Variants in TGFB1 observed in about 807,000 individuals in gnomAD.
TGFB1 encodes the protein transforming growth factor beta-1 proprotein.
TGFB1 carries 19 observed loss-of-function variants against 43.8 expected under a neutral mutation model. The observed-to-expected ratio is 0.43, with a 90% CI of 0.30 to 0.64. The LOEUF (loss-of-function observed/expected upper bound fraction) is 0.64. Ranked by LOEUF, TGFB1 falls within the 30% of genes least tolerant of loss-of-function variation. TGFB1 has a pLI of 0.11. For synonymous variants in TGFB1, 221 were observed against 236.3 expected, an observed-to-expected ratio of 0.94 and a Z score of 0.60; for missense variants, 445 against 529.8, an observed-to-expected ratio of 0.84 and a Z score of 1.57.
Position 41,353,007 on chromosome 19 carries a change from A to T in TGFB1, c.38T>A (p.Leu13Gln). Reference sequence around the variant, plus strand: ...CAGCACCAGTAGCCACAGCAGCGGTAGCAGCAGCGGCAGCAGCCGCAGCCC... The same window carrying T: ...CAGCACCAGTAGCCACAGCAGCGGTTGCAGCAGCGGCAGCAGCCGCAGCCC... Reference protein sequence around the residue: ...PSGLRLLPLLLPLLWLLVLTP... With the variant: ...PSGLRLLPLLQPLLWLLVLTP... Residue 13 changes from leucine (L) to glutamine (Q), a missense_variant, in exon 1 of 7, where the codon CTA (leucine) becomes CAA (glutamine). By Grantham distance (113) the Leu-to-Gln change is moderately radical. Transcript: ENST00000221930. This position sits in a 1 kb window ranked among gnomAD's most constrained non-coding sequence, Gnocchi z 5.9. 4 of 1,533,918 alleles carry T rather than the reference A, an allele frequency of 2.6e-6. No homozygotes were observed. Among genetic ancestry groups the T allele is most frequent in the Non-Finnish European group, 3.5e-6 (4 of 1,144,288 alleles).
At chr19:41,343,943 C>CTGGACGATCATCTCCTGGA (rs1555754145) in intron 3 of TGFB1, among the ~76,000 whole-genome samples, 1 of 151,254 alleles carries the variant, frequency 6.6e-6, no homozygotes, top group Non-Finnish European at 1.5e-5. Context: ...TCCCTGGCCT[C>CTGGACGATCATCTCCTGGA]CAGGCCTTTG....
chr19:41,350,480 G>T (rs2038175006), intron 1 of TGFB1, among the ~76,000 whole-genome samples: 1 of 151,816 alleles, frequency 6.6e-6, no homozygotes, highest in Non-Finnish European at 1.5e-5. Context: ...GCTAATTTTT[G>T]TATTTTTAGT....
intron 1 of TGFB1, among the ~76,000 whole-genome samples, chr19:41,352,340 A>C (rs1160855582): frequency 6.1e-3 from 450 of 73,312 alleles, no homozygotes; most frequent in Middle Eastern, 0.016. Flanking sequence ...CTGGCACCCC[A>C]CGACCCCCCC....
In TGFB1 at chr19:41,344,763, C is replaced by G; in HGVS notation, c.618G>C (p.Gln206His). Reference sequence around the variant, plus strand: ...AATCCTCACCTCCACGGCTCAACCACTGCCGCACAACTCCGGTGACATCAA... The same window carrying G: ...AATCCTCACCTCCACGGCTCAACCAGTGCCGCACAACTCCGGTGACATCAA... ...LSFDVTGVVR[Q>H]WLSRGGEIEG... The change falls in exon 3 of 7, where the codon CAG becomes CAC. Residue 206 changes from glutamine (Q) to histidine (H), a missense_variant. Transcript: ENST00000221930. 6.2e-7 allele frequency: 1 copy of G among 1,614,066 alleles called. No homozygotes were observed. The highest frequency in any genetic ancestry group is 8.5e-7 in the Non-Finnish European group (1 of 1,180,000).
rs913576317 is a variant in TGFB1 at position 41,352,856 on chromosome 19, C to T, written c.189G>A (p.Pro63=). ...ILSKLRLASP[P]SQGEVPPGPL... ...GGCCGGGCGGCACCTCCCCCTGGCT[C>T]GGGGGGCTGGCGAGCCGCAGCTTGG... The change falls in exon 1 of 7, where the codon CCG becomes CCA. Residue 63 remains proline (P), a synonymous_variant. Coordinates refer to ENST00000221930, the MANE Select transcript of TGFB1 (RefSeq NM_000660.7). 1.3e-6 allele frequency: 2 copies of T among 1,560,336 alleles called. No individual in the cohort carries two copies. The highest frequency in any genetic ancestry group is 2.4e-5 in the East Asian group (1 of 41,346).
At chr19:41,350,600 G>A (rs1387149124) in intron 1 of TGFB1, among the ~76,000 whole-genome samples, 1 of 152,152 alleles carries the variant, frequency 6.6e-6, no homozygotes, top group African/African-American at 2.4e-5. Context: ...GAGCCACCGC[G>A]CCCAGCCAAG....
At chr19:41,332,310 AG>A in intron 5 of TGFB1, 29 bp from the exon 6 acceptor site, 1 of 1,606,576 alleles carries the variant, frequency 6.2e-7, no homozygotes, top group Non-Finnish European at 8.5e-7. Flanking sequence ...CGTCAGGGGC[AG>A]GGAGGGGCTA....
At chr19:41,333,515 T>C (rs2037958133) in intron 5 of TGFB1, among the ~76,000 whole-genome samples, 1 of 152,072 alleles carries the variant, frequency 6.6e-6, no homozygotes, top group Admixed American at 6.6e-5. Flanking sequence ...ATCTGGCCTA[T>C]TTATTCTTTT....
At chr19:41,340,525 C>G (rs751609091) in intron 5 of TGFB1, among the ~76,000 whole-genome samples, 3 of 152,090 alleles carry the variant, frequency 2.0e-5, no homozygotes, top group African/African-American at 4.8e-5. Context: ...CAGGGATCCG[C>G]CCACCTCAGC....
intron 5 of TGFB1, among the ~76,000 whole-genome samples, chr19:41,335,288 A>G (rs1052631121): frequency 1.3e-5 from 2 of 152,224 alleles, no homozygotes; most frequent in East Asian, 3.9e-4. Flanking sequence ...TCCTGACCTC[A>G]GGTGACCCAC....
intron 5 of TGFB1, among the ~76,000 whole-genome samples, chr19:41,336,460 C>G (rs1436701224): frequency 6.6e-6 from 1 of 151,562 alleles, no homozygotes; most frequent in African/African-American, 2.4e-5. Flanking sequence ...TCACAGCTCA[C>G]TGTGGCCTCC....
rs566948572 is a variant in TGFB1, at chr19:41,339,739, A to T, written c.860+2144T>A. ...CTCAGGAGGCTGAGGCAGGAGAATCACTTGAACCTGGGAGGCGGAGGTTGC... is the reference window on the plus strand; with the variant it reads ...CTCAGGAGGCTGAGGCAGGAGAATCTCTTGAACCTGGGAGGCGGAGGTTGC... On this transcript the variant is annotated intron_variant, in intron 5 of 6. Transcript: ENST00000221930. 2.0e-5 allele frequency among the ~76,000 whole-genome samples: 3 copies of T among 152,070 alleles called. No homozygotes were observed. The South Asian group carries it at 6.2e-4, about 32-fold the overall frequency.
chr19:41,342,390 CTTTTTTTTTTTTT>C (rs55678429), intron 3 of TGFB1, 143 bp from the exon 4 acceptor site: 4 of 432,312 alleles, frequency 9.3e-6, no homozygotes, highest in African/African-American at 6.5e-5. Flanking sequence ...GCAGCTCTCT[CTTTTTTTTTTTTT>C]TTTTTTTTTT....
At chr19:41,339,663 A>G (rs1178345538) in intron 5 of TGFB1, among the ~76,000 whole-genome samples, 1 of 152,108 alleles carries the variant, frequency 6.6e-6, no homozygotes, top group African/African-American at 2.4e-5. Context: ...TGTCTACTAA[A>G]AAAACCAAAA....
chr19:41,332,390 A>G (rs1202496341), intron 5 of TGFB1, 109 bp from the exon 6 acceptor site: 7 of 1,325,038 alleles, frequency 5.3e-6, no homozygotes, highest in African/African-American at 4.3e-5. Context: ...CCCCAGCCCT[A>G]TCTCCATCTG....
chr19:41,346,211 G>A (rs889496753), intron 2 of TGFB1, among the ~76,000 whole-genome samples: 2 of 152,102 alleles, frequency 1.3e-5, no homozygotes, highest in African/African-American at 2.4e-5. Flanking sequence ...TTAGCTAGGT[G>A]TGGTGGTGCA....
rs141484614 is a variant in TGFB1, at chr19:41,341,924, G to A, written c.819C>T (p.Ser273=). Residue 273 remains serine, a synonymous_variant, in exon 5 of 7, where the codon AGC becomes AGT. Coordinates refer to ENST00000221930, the MANE Select transcript of TGFB1 (RefSeq NM_000660.7). ...TPLERAQHLQ[S]SRHRRALDTN... is the part of the protein sequence containing the mutation. ...TGTCCAGGGCTCGGCGGTGCCGGGAGCTTTGCAGATGCTGGGCCCTCTCCA... is the reference window on the plus strand; with the variant it reads ...TGTCCAGGGCTCGGCGGTGCCGGGAACTTTGCAGATGCTGGGCCCTCTCCA... The A allele has an allele frequency of 6.2e-7, 1 of 1,614,010 alleles. No homozygotes were observed. Among genetic ancestry groups the A allele is most frequent in the African/African-American group, 1.3e-5 (1 of 74,942 alleles).
chr19:41,338,426 G>A (rs976184762), intron 5 of TGFB1, among the ~76,000 whole-genome samples: 3 of 151,578 alleles, frequency 2.0e-5, no homozygotes, highest in African/African-American at 7.3e-5. Flanking sequence ...CCCCCGGGAG[G>A]TGGAGGTTGC....
intron 3 of TGFB1, among the ~76,000 whole-genome samples, chr19:41,342,664 G>A (rs540877093): frequency 1.3e-5 from 2 of 151,688 alleles, no homozygotes; most frequent in African/African-American, 2.4e-5. Flanking sequence ...ACAGGCATGC[G>A]CCACCACACC....
Sources: gnomAD v4.1 joint callset for allele counts (sites outside exome capture counted in the v4.1 genomes callset) on GRCh38, gnomAD v4.1.1 for gene constraint, Gnocchi (gnomAD v3.1) non-coding constraint, MANE v1.5 for transcripts, NCBI Gene and HGNC (gene_info 2026-07-23, HGNC 2026-07-21) for gene names.